CPNE8: variants seen among roughly 807,000 people sequenced by gnomAD.
The protein encoded by CPNE8 is copine-8.
A neutral mutation model predicts 81.5 loss-of-function variants in CPNE8; 45 were observed. That is an observed-to-expected ratio of 0.55 (90% CI 0.44 to 0.71). The LOEUF is 0.71. Among genes scored for constraint, CPNE8 ranks in the 30% least tolerant of loss-of-function variants. CPNE8 has a pLI of 0.00. For missense variants in CPNE8, 594 were observed against 672.1 expected (o/e 0.88, Z 1.28); for synonymous variants, 252 against 226.3 (o/e 1.11, Z -1.02).
intron 6 of CPNE8, among the ~76,000 whole-genome samples, chr12:38,806,018 TC>T (rs1211189785): frequency 6.7e-6 from 1 of 150,184 alleles, no homozygotes; most frequent in East Asian, 2.2e-4. Context: ...ATGGATAAAT[TC>T]CTTGACACAT....
chr12:38,893,292 G>T (rs907588170), intron 1 of CPNE8, among the ~76,000 whole-genome samples: 1 of 152,116 alleles, frequency 6.6e-6, no homozygotes, highest in African/African-American at 2.4e-5. Flanking sequence ...TAGAAGTTCA[G>T]CACAAGATAC....
chr12:38,759,083 G>A (rs826845), intron 10 of CPNE8, among the ~76,000 whole-genome samples: 15,628 of 152,074 alleles, frequency 0.1, 1,013 homozygotes, highest in East Asian at 0.25. Context: ...ATACATTTCT[G>A]TTACATTAGG....
At chr12:38,685,934 A>C (rs1939524478) in intron 15 of CPNE8, among the ~76,000 whole-genome samples, 2 of 152,150 alleles carry the variant, frequency 1.3e-5, no homozygotes, top group African/African-American at 4.8e-5. Context: ...CTTAATTTAC[A>C]CAGGTTTGGG....
chr12:38,802,879 C>A (rs1416234303), intron 6 of CPNE8, among the ~76,000 whole-genome samples: 32 of 148,366 alleles, frequency 2.2e-4, no homozygotes, highest in African/African-American at 5.0e-5. Context: ...CTACAAACAC[C>A]TCTACGCAAA....
chr12:38,718,851 A>G (rs1940476790), intron 13 of CPNE8, among the ~76,000 whole-genome samples: 1 of 152,332 alleles, frequency 6.6e-6, no homozygotes, highest in South Asian at 2.1e-4. Flanking sequence ...TAAATGATGT[A>G]CAATCATATA....
chr12:38,705,228 A>C (rs1418581961), intron 13 of CPNE8, among the ~76,000 whole-genome samples: 1 of 152,150 alleles, frequency 6.6e-6, no homozygotes, highest in Admixed American at 6.6e-5. Flanking sequence ...GAACTATTGG[A>C]TAAATAATGA....
intron 11 of CPNE8, among the ~76,000 whole-genome samples, chr12:38,728,103 G>A (rs995606783): frequency 6.6e-6 from 1 of 152,166 alleles, no homozygotes; most frequent in Admixed American, 6.6e-5. Context: ...GGAGAAGCTG[G>A]AGGATCTGAT....
At chr12:38,777,296 G>GA (rs1301451470) in intron 6 of CPNE8, among the ~76,000 whole-genome samples, 2 of 152,016 alleles carry the variant, frequency 1.3e-5, no homozygotes, top group Non-Finnish European at 2.9e-5. Context: ...CTTAAAAACA[G>GA]AAAAAAGATT....
At position 38,653,687 on chromosome 12, in the gene CPNE8, C is replaced by A; in HGVS notation, c.*195G>T. 1.0e-5 allele frequency: 5 copies of A among 498,498 alleles called. No homozygotes were observed. Among genetic ancestry groups the A allele is most frequent in the Admixed American group, 5.2e-5 (1 of 19,056 alleles). 30.9% of individuals were successfully genotyped at this position (498,498 alleles called of 1,614,324 possible). ...GCTTCAAGCATTTAAACAATTTTTT[C>A]TGTTGCTCATGCAACAACCATATTT... On this transcript the variant is annotated 3_prime_UTR_variant, in exon 20 of 20. Transcript: ENST00000331366.
intron 6 of CPNE8, among the ~76,000 whole-genome samples, chr12:38,807,590 C>G (rs1021055967): frequency 6.6e-6 from 1 of 151,120 alleles, no homozygotes; most frequent in African/African-American, 2.4e-5. Context: ...ACACCTTATA[C>G]AAAAATTAAT....
At chr12:38,863,879 G>T (rs1461141501) in intron 3 of CPNE8, among the ~76,000 whole-genome samples, 1 of 151,708 alleles carries the variant, frequency 6.6e-6, no homozygotes, top group Admixed American at 6.6e-5. Flanking sequence ...GTGAAACCCC[G>T]TCTCTACTAA....
intron 3 of CPNE8, among the ~76,000 whole-genome samples, chr12:38,852,447 A>T (rs1384321509): frequency 1.3e-5 from 2 of 150,884 alleles, no homozygotes; most frequent in East Asian, 3.9e-4. Flanking sequence ...AAAAAAAAAA[A>T]AAAAATTAGC....
rs770984926 is a variant in CPNE8, at chr12:38,717,429, G to GTGTATATATATATATATATA, written c.914+6342_914+6343insTATATATATATATATATACA. Among the ~76,000 whole-genome samples the GTGTATATATATATATATATA allele has an allele frequency of 9.7e-4, 84 of 87,026 alleles. 5 individuals are homozygous for GTGTATATATATATATATATA. The highest frequency in any genetic ancestry group is 6.4e-3 in the East Asian group (14 of 2,192). The allele number at this position is 87,026 out of a possible 152,430, so 57.1% of individuals were successfully genotyped here. On this transcript the variant is annotated intron_variant, in intron 13 of 19. Transcript: ENST00000331366. ...AACAAGTAAACAAAGAAAGTGTGGT[G>GTGTATATATATATATATATA]TATATATATATATATATATATATAT...
At chr12:38,741,971 G>A (rs1941117672) in intron 10 of CPNE8, among the ~76,000 whole-genome samples, 1 of 152,160 alleles carries the variant, frequency 6.6e-6, no homozygotes, top group Admixed American at 6.5e-5. Context: ...AAACCACAAT[G>A]AGATACCATC....
At chr12:38,705,541 A>G (rs1465670391) in intron 13 of CPNE8, among the ~76,000 whole-genome samples, 1 of 152,222 alleles carries the variant, frequency 6.6e-6, no homozygotes, top group Non-Finnish European at 1.5e-5. Flanking sequence ...TTGGAGCATA[A>G]CACTAACCAG....
intron 1 of CPNE8, among the ~76,000 whole-genome samples, chr12:38,892,825 T>C (rs1308654092): frequency 6.6e-6 from 1 of 151,868 alleles, no homozygotes; most frequent in African/African-American, 2.4e-5. Context: ...AAGGCACCGA[T>C]ATCTATTCAT....
rs182583499 is a variant in CPNE8 at position 38,828,310 on chromosome 12, C to A, written c.407+1069G>T. On this transcript the variant is annotated intron_variant, in intron 6 of 19. Transcript: ENST00000331366. ...ATAAATATATTTTTGTAATAAGCTT[C>A]CAAGTCCTATAATTATGTGAAAATA... Among the ~76,000 whole-genome samples the A allele has an allele frequency of 4.7e-3, 716 of 152,082 alleles. 19 individuals carry two copies. The highest frequency in any genetic ancestry group is 1.1e-3 in the Non-Finnish European group (75 of 67,964).
At chr12:38,680,207 C>T (rs1378970940) in intron 16 of CPNE8, among the ~76,000 whole-genome samples, 1 of 151,900 alleles carries the variant, frequency 6.6e-6, no homozygotes, top group Non-Finnish European at 1.5e-5. Flanking sequence ...CTGGTTGGCT[C>T]AGATTCGTGG....
intron 6 of CPNE8, among the ~76,000 whole-genome samples, chr12:38,785,370 C>T (rs1311638433): frequency 6.7e-6 from 1 of 149,598 alleles, no homozygotes; most frequent in Non-Finnish European, 1.5e-5. Context: ...AAAAAAAAAA[C>T]ATGATATGGT....
Sources: allele counts gnomAD v4.1 joint callset (sites outside exome capture counted in the v4.1 genomes callset), GRCh38; gene constraint gnomAD v4.1.1; transcripts MANE v1.5; gene names NCBI Gene and HGNC (gene_info 2026-07-23, HGNC 2026-07-21).